The following FCGRT variants were observed in gnomAD, a reference collection of about 807,000 sequenced individuals.
FCGRT encodes Fc gamma receptor and transporter, also known as IgG receptor FcRn large subunit p51.
Under a neutral mutation model 35.7 loss-of-function variants are expected in FCGRT, and 13 were observed. The observed-to-expected ratio is 0.36, with a 90% CI of 0.24 to 0.58. FCGRT has a LOEUF of 0.58. FCGRT is among the 20% of genes least tolerant of loss of function. The pLI, the probability that FCGRT is intolerant of heterozygous loss-of-function variation, is 0.77. For synonymous variants in FCGRT, 233 were observed against 216.5 expected, an observed-to-expected ratio of 1.08 and a Z score of -0.67; for missense variants, 455 against 474.9, an observed-to-expected ratio of 0.96 and a Z score of 0.39.
chr19:49,513,088 T>G (rs1222453717), intron 1 of FCGRT: 1 of 99,722 alleles, frequency 1.0e-5, no homozygotes, highest in Non-Finnish European at 1.8e-5. Context: ...GGAAGAGCGG[T>G]TGGGGGCCTG....
Position 49,514,461 on chromosome 19 carries a change from G to A in FCGRT, c.576G>A (p.Arg192=), listed in dbSNP as rs763553495. ...CPHRLREHLE[R]GRGNLEWKEP... is the part of the protein sequence containing the mutation. ...ACCGCCTGCGGGAGCACCTGGAGAG[G>A]GGCCGCGGAAACCTGGAGTGGAAGG... The change falls in exon 4 of 7, where the codon AGG becomes AGA. Residue 192 remains arginine (R), a synonymous_variant. Transcript: ENST00000221466. 21 of 1,558,304 alleles carry A rather than the reference G, an allele frequency of 1.3e-5. No individual in the cohort carries two copies. The highest frequency in any genetic ancestry group is 1.7e-5 in the Non-Finnish European group (20 of 1,148,340).
chr19:49,513,979 G>C lies in FCGRT; in HGVS notation c.171G>C (p.Gln57His). 3 of 1,613,998 alleles carry C rather than the reference G, an allele frequency of 1.9e-6. No homozygotes were observed. Residue 57 changes from glutamine (Q) to histidine (H), a missense_variant, in exon 3 of 7, where the codon CAG becomes CAC. This residue lies in a region of FCGRT where 136 missense variants were observed against 158.9 expected (regional missense o/e 0.86). Coordinates refer to ENST00000221466, the MANE Select transcript of FCGRT (RefSeq NM_001136019.3). ...TGTCCGGCTGGCTGGGCCCGCAGCA[G>C]TACCTGAGCTACAATAGCCTGCGGG... ...FWVSGWLGPQ[Q>H]YLSYNSLRGE...
intron 4 of FCGRT, among the ~76,000 whole-genome samples, chr19:49,520,039 G>T (rs2080031584): frequency 6.6e-6 from 1 of 151,078 alleles, no homozygotes. Context: ...CACTATGTTG[G>T]GCAGGCTGGT....
intron 4 of FCGRT, among the ~76,000 whole-genome samples, chr19:49,523,080 T>G (rs191720644): frequency 6.6e-6 from 1 of 151,808 alleles, no homozygotes; most frequent in African/African-American, 2.4e-5. Context: ...CCTGGCCAAG[T>G]TCTCTTTCTT....
chr19:49,516,758 A>G lies in FCGRT; in HGVS notation c.601+2272A>G, dbSNP rs192416009. ...TTTTAGTAGAGACGGGGGCTTCACC[A>G]TGCTGGCCAGGCTGGTCTCGAACTC... On this transcript the variant is annotated intron_variant, in intron 4 of 6. Coordinates refer to ENST00000221466, the MANE Select transcript of FCGRT (RefSeq NM_001136019.3). Among the ~76,000 whole-genome samples the G allele has an allele frequency of 3.2e-3, 482 of 151,558 alleles. 10 individuals carry two copies. Among genetic ancestry groups the G allele is most frequent in the Admixed American group, 0.03 (458 of 15,186 alleles).
At chr19:49,525,884 G>A in intron 6 of FCGRT, 126 bp from the exon 7 acceptor site, 2 of 769,904 alleles carry the variant, frequency 2.6e-6, no homozygotes, top group East Asian at 2.4e-5. Context: ...GGGAGACAAA[G>A]GCCCAGAAGG....
intron 6 of FCGRT, 107 bp downstream of exon 6, chr19:49,525,680 G>A: frequency 1.3e-6 from 1 of 770,718 alleles, no homozygotes; most frequent in Non-Finnish European, 2.2e-6. Flanking sequence ...ACAGAGATCA[G>A]AGAGAGGTGG....
rs3030704 is a variant in FCGRT at position 49,513,737 on chromosome 19, TCCCCC to T, written c.74-137_74-133del. On this transcript the variant is annotated intron_variant, in intron 2 of 6. Coordinates refer to ENST00000221466, the MANE Select transcript of FCGRT (RefSeq NM_001136019.3). The stretch of plus-strand genomic sequence containing the variant: ...TTGTCTCTCTCTCTCTGGGTCTCTG[TCCCCC>T]CCCCCCCGGGTTTCTGTCCCCTCTC... 21 of 257,916 alleles carry T rather than the reference TCCCCC, an allele frequency of 8.1e-5. 1 individual carries two copies. The African/African-American group carries it at 1.0e-3, about 12-fold the overall frequency. 16.0% of individuals were successfully genotyped at this position (257,916 alleles called of 1,614,324 possible).
rs748687030 is a variant in FCGRT at position 49,513,452 on chromosome 19, C to G, written c.52C>G (p.Leu18Val). The change falls in exon 2 of 7, where the codon CTT (leucine) becomes GTT (valine). Residue 18 changes from leucine (L) to valine (V), a missense_variant. Leu to Val is a conservative substitution (Grantham distance 32). This residue lies in a region of FCGRT where 136 missense variants were observed against 158.9 expected (regional missense o/e 0.86). Transcript: ENST00000221466. ...PWALGLLLFL[L>V]PGSLGAESHL... ...GGCGCTGGGGCTCCTGCTCTTTCTCCTTCCTGGGAGCCTGGGCGCAGGTGA... is the reference window on the plus strand; with the variant it reads ...GGCGCTGGGGCTCCTGCTCTTTCTCGTTCCTGGGAGCCTGGGCGCAGGTGA... The G allele has an allele frequency of 4.0e-6, 5 of 1,244,778 alleles. No homozygotes were observed. The highest frequency in any genetic ancestry group is 4.0e-6 in the Non-Finnish European group (4 of 988,288). 77.1% of individuals were successfully genotyped at this position (1,244,778 alleles called of 1,614,324 possible).
rs528922257 is a variant in FCGRT, at chr19:49,516,944, C to T, written c.601+2458C>T. Among the ~76,000 whole-genome samples, 24 of 151,574 alleles carry T rather than the reference C, an allele frequency of 1.6e-4. No homozygotes were observed. In the South Asian group the frequency reaches 4.5e-3, roughly 28 times the overall value. ...GTGGCTCACGCCTATAATCCCAGAA[C>T]TTTGGGAGGCCGAGGCAGGTGGATT... On this transcript the variant is annotated intron_variant, in intron 4 of 6. Transcript: ENST00000221466.
chr19:49,525,856 A>G (rs1247424934), intron 6 of FCGRT, 154 bp from the exon 7 acceptor site: 4 of 720,814 alleles, frequency 5.5e-6, no homozygotes, highest in Non-Finnish European at 1.0e-5. Context: ...AAGAGGGGGG[A>G]CGGAAAATTG....
In FCGRT at chr19:49,514,129, A is replaced by G. The variant is rs767826358; in HGVS notation, c.321A>G (p.Gly107=). 3 of 1,612,384 alleles carry G rather than the reference A, an allele frequency of 1.9e-6. No homozygotes were observed. The highest frequency in any genetic ancestry group is 1.3e-5 in the African/African-American group (1 of 74,936). The change falls in exon 3 of 7, where the codon GGA becomes GGG. Residue 107 remains glycine, a synonymous_variant. Transcript: ENST00000221466. ...TGGAAGCTTTCAAAGCTTTGGGGGG[A>G]AAAGGTGAGATTCCGGTCTGGAGGG... is the stretch of plus-strand genomic sequence containing the variant. ...LFLEAFKALG[G]KGPYTLQGLL...
chr19:49,521,595 G>C (rs1043704758), intron 4 of FCGRT: 1 of 148,378 alleles, frequency 6.7e-6, no homozygotes, highest in Non-Finnish European at 1.5e-5. Context: ...GGAAAAGAAA[G>C]CCTGGGCGTA....
At position 49,524,959 on chromosome 19, in the gene FCGRT, C is replaced by A. The variant is rs1023049089; in HGVS notation, c.871+183C>A. 1.3e-5 allele frequency: 9 copies of A among 707,562 alleles called. No homozygotes were observed. The African/African-American group carries it at 1.6e-4, about 12-fold the overall frequency. 43.8% of individuals were successfully genotyped at this position (707,562 alleles called of 1,614,324 possible). A position where few individuals can be genotyped will look rare whatever the true frequency, so the allele number is the denominator to read the frequency against. On this transcript the variant is annotated intron_variant, in intron 5 of 6. Coordinates refer to ENST00000221466, the MANE Select transcript of FCGRT (RefSeq NM_001136019.3). Reference sequence around the variant, plus strand: ...GGCTTGTCCTTCCCAAGGCCAACTGCCTTCCGTCTCCTGCTGCTTCTGGCC... The same window carrying A: ...GGCTTGTCCTTCCCAAGGCCAACTGACTTCCGTCTCCTGCTGCTTCTGGCC...
intron 4 of FCGRT, chr19:49,521,329 T>G (rs960301368): frequency 1.3e-5 from 2 of 152,150 alleles, no homozygotes; most frequent in African/African-American, 4.8e-5. Context: ...CCCAGCACTT[T>G]GGGAGGCTGA....
Position 49,514,425 on chromosome 19 carries a change from C to A in FCGRT, c.540C>A (p.Phe180Leu). 1.9e-6 allele frequency: 3 copies of A among 1,593,636 alleles called. No homozygotes were observed. The highest frequency in any genetic ancestry group is 1.7e-5 in the Admixed American group (1 of 58,798). Residue 180 changes from phenylalanine to leucine, a missense_variant, in exon 4 of 7, where the codon TTC becomes TTA. Physicochemically the swap from Phe to Leu is conservative, Grantham distance 22. Transcript: ENST00000221466. ...AANKELTFLL[F>L]SCPHRLREHL... is the part of the protein sequence containing the mutation. The stretch of plus-strand genomic sequence containing the variant: ...ACAAGGAGCTCACCTTCCTGCTATT[C>A]TCCTGCCCGCACCGCCTGCGGGAGC...
chr19:49,513,714 G>GTC (rs139316391), intron 2 of FCGRT, 168 bp from the exon 3 acceptor site: 31 of 532,012 alleles, frequency 5.8e-5, no homozygotes, highest in South Asian at 1.8e-4. Flanking sequence ...TGGGTCTCTT[G>GTC]TCTCTCTCTC....
intron 4 of FCGRT, among the ~76,000 whole-genome samples, chr19:49,524,168 G>A (rs896134521): frequency 5.3e-5 from 8 of 151,718 alleles, no homozygotes; most frequent in Admixed American, 5.3e-4. Flanking sequence ...ACAGGTGCCC[G>A]GCTAATTTTT....
chr19:49,517,977 C>A (rs1325843472), intron 4 of FCGRT, among the ~76,000 whole-genome samples: 1 of 152,140 alleles, frequency 6.6e-6, no homozygotes, highest in Non-Finnish European at 1.5e-5. Context: ...AGGCATAAGC[C>A]ACCGCGCCTG....
Sources: allele counts gnomAD v4.1 joint callset (sites outside exome capture counted in the v4.1 genomes callset), GRCh38; gene constraint gnomAD v4.1.1; regional missense constraint gnomAD v4.1.1; transcripts MANE v1.5; gene names NCBI Gene and HGNC (gene_info 2026-07-23, HGNC 2026-07-21).